Variants in TARS2 observed in about 807,000 individuals in gnomAD.
TARS2 encodes the protein threonyl-tRNA synthetase 2, mitochondrial.
In TARS2, 61 loss-of-function variants were observed where a neutral mutation model predicts 94.4. The ratio of observed to expected loss-of-function variants is 0.65; its 90% CI spans 0.53 to 0.80. The LOEUF (loss-of-function observed/expected upper bound fraction) is 0.80. Ranked by LOEUF, TARS2 falls within the 30% of genes least tolerant of loss-of-function variation. The pLI is 0.00. For synonymous variants in TARS2, 359 were observed against 353.4 expected, an observed-to-expected ratio of 1.02 and a Z score of -0.18; for missense variants, 704 against 902.5, an observed-to-expected ratio of 0.78 and a Z score of 2.82.
In TARS2 at chr1:150,507,279, A is replaced by G. The variant is rs1670272414; in HGVS notation, c.*215A>G. 3.4e-6 allele frequency: 2 copies of G among 595,654 alleles called. No homozygotes were observed. Among genetic ancestry groups the G allele is most frequent in the Admixed American group, 6.6e-5 (2 of 30,322 alleles). 36.9% of individuals were successfully genotyped at this position (595,654 alleles called of 1,614,324 possible). On this transcript the variant is annotated 3_prime_UTR_variant, in exon 18 of 18. Coordinates refer to ENST00000369064, the MANE Select transcript of TARS2 (RefSeq NM_025150.5). Reference sequence around the variant, plus strand: ...TGAGGAGAATGAAACTACAAAAAAAAATAAATTGGGCCAGGCGCAGTGGCT... The same window carrying G: ...TGAGGAGAATGAAACTACAAAAAAAGATAAATTGGGCCAGGCGCAGTGGCT...
intron 9 of TARS2, 27 bp from the exon 10 acceptor site, chr1:150,497,503 C>G: frequency 6.2e-7 from 1 of 1,608,418 alleles, no homozygotes; most frequent in Non-Finnish European, 8.5e-7. Flanking sequence ...TTACTCTGAC[C>G]TTCCATGTCT....
intron 1 of TARS2, 131 bp from the exon 2 acceptor site, chr1:150,487,727 G>T: frequency 7.4e-7 from 1 of 1,348,284 alleles, no homozygotes. Flanking sequence ...CTAGGGTCTT[G>T]TATCACCCAA....
intron 17 of TARS2, among the ~76,000 whole-genome samples, chr1:150,506,606 C>G (rs1287111129): frequency 1.4e-5 from 2 of 142,904 alleles, no homozygotes; most frequent in African/African-American, 5.1e-5. Flanking sequence ...CACACACACA[C>G]AGTTTCTCTC....
At position 150,492,475 on chromosome 1, in the gene TARS2, C is replaced by T; in HGVS notation, c.760C>T (p.Leu254=). Residue 254 remains leucine (L), a synonymous_variant, in exon 7 of 18, where the codon CTG becomes TTG. Coordinates refer to ENST00000369064, the MANE Select transcript of TARS2 (RefSeq NM_025150.5). ...TCGGCATACTGGACAGATTGGAGGA[C>T]TGAAGCTGCTATCGGTCAGTTGTGG... ...HLRHTGQIGG[L]KLLSNSSSLW... is the part of the protein sequence containing the mutation. 1 of 1,613,864 alleles carries T rather than the reference C, an allele frequency of 6.2e-7. No homozygotes were observed. Among genetic ancestry groups the T allele is most frequent in the African/African-American group, 1.3e-5 (1 of 74,998 alleles).
At chr1:150,499,385 A>T in intron 13 of TARS2, 92 bp downstream of exon 13, 1 of 879,800 alleles carries the variant, frequency 1.1e-6, no homozygotes, top group Non-Finnish European at 1.8e-6. Context: ...TTTTTTTTTG[A>T]GACAGTCTCA....
rs1669959247 is a variant in TARS2, at chr1:150,502,283, C to T, written c.1618-2052C>T. Among the ~76,000 whole-genome samples, 3 of 149,456 alleles carry T rather than the reference C, an allele frequency of 2.0e-5. No individual in the cohort carries two copies. In the Admixed American group the frequency reaches 2.0e-4, roughly 10 times the overall value. On this transcript the variant is annotated intron_variant, in intron 13 of 17. Transcript: ENST00000369064. ...CTGTTGCCAGACTGAAGTGCACTGG[C>T]GGATCTTGGCTCACTGCAACCTCCA...
intron 11 of TARS2, 93 bp downstream of exon 11, chr1:150,498,757 A>AT: frequency 6.2e-7 from 1 of 1,606,600 alleles, no homozygotes; most frequent in South Asian, 1.1e-5. Flanking sequence ...TGCCCCCTGT[A>AT]TGTACTATAA....
In TARS2 at chr1:150,487,866, G is replaced by A; in HGVS notation, c.75G>A (p.Val25=). Residue 25 remains valine (V), a synonymous_variant, in exon 2 of 18, where the codon GTG becomes GTA. Coordinates refer to ENST00000369064, the MANE Select transcript of TARS2 (RefSeq NM_025150.5). ...LQACRLHTAV[V]STPPRWLAER... is the part of the protein sequence containing the mutation. ...TATATCTTTCCCTCCAGGCAGTTGT[G>A]TCGACCCCTCCACGCTGGTTGGCAG... 1 of 1,612,776 alleles carries A rather than the reference G, an allele frequency of 6.2e-7. No homozygotes were observed. The highest frequency in any genetic ancestry group is 2.2e-5 in the East Asian group (1 of 44,886).
chr1:150,489,075 A>C lies in TARS2; in HGVS notation c.375A>C (p.Pro125=). 6.2e-7 allele frequency: 1 copy of C among 1,614,134 alleles called. No individual in the cohort carries two copies. Among genetic ancestry groups the C allele is most frequent in the Non-Finnish European group, 8.5e-7 (1 of 1,179,982 alleles). ...TCAGATTTCTGACATTCGATTCCCC[A>C]GAGGGGAAAGCAGTAAGTTTCTTTC... ...SDLRFLTFDS[P]EGKAVFWHSS... is the part of the protein sequence containing the mutation. Residue 125 remains proline, a synonymous_variant, in exon 3 of 18, where the codon CCA becomes CCC. Coordinates refer to ENST00000369064, the MANE Select transcript of TARS2 (RefSeq NM_025150.5).
intron 2 of TARS2, chr1:150,488,644 C>A (rs1570830252): frequency 4.3e-6 from 1 of 231,176 alleles, no homozygotes; most frequent in East Asian, 1.0e-4. Context: ...AAACATTTAT[C>A]ATTTCTTTGT....
chr1:150,490,114 CTTTTTTT>C (rs772454527), intron 3 of TARS2, among the ~76,000 whole-genome samples: 1 of 80,178 alleles, frequency 1.2e-5, no homozygotes, highest in Non-Finnish European at 2.3e-5. Context: ...TCTATTCAGT[CTTTTTTT>C]TTTTTTTTTT....
chr1:150,497,039 T>G, intron 9 of TARS2, 131 bp downstream of exon 9: 1 of 837,260 alleles, frequency 1.2e-6, no homozygotes. Flanking sequence ...TCCTAGCACT[T>G]TCGGAGGCTG....
In TARS2 at chr1:150,499,024, A is replaced by C; in HGVS notation, c.1529A>C (p.Gln510Pro). 1 of 1,614,178 alleles carries C rather than the reference A, an allele frequency of 6.2e-7. No individual in the cohort carries two copies. The highest frequency in any genetic ancestry group is 8.5e-7 in the Non-Finnish European group (1 of 1,180,024). Residue 510 changes from glutamine (Q) to proline (P), a missense_variant, in exon 12 of 18, where the codon CAG becomes CCG. Physicochemically the swap from Gln to Pro is moderately conservative, Grantham distance 76. Coordinates refer to ENST00000369064, the MANE Select transcript of TARS2 (RefSeq NM_025150.5). ...CTGGGGGACCCTTGCCTTTGGGACC[A>C]GGCCGAACAGGTGAGTAGGAGGTAG... ...GFLGDPCLWD[Q>P]AEQVLKQALK...
chr1:150,507,209 G>T lies in TARS2; in HGVS notation c.*145G>T. ...GTCTGCTCTCCTGAAAAGAGACTTG[G>T]TTTGGGGACCCCACAAAAGGAGGGA... is the stretch of plus-strand genomic sequence containing the variant. On this transcript the variant is annotated 3_prime_UTR_variant, in exon 18 of 18. Transcript: ENST00000369064. 2 of 1,134,486 alleles carry T rather than the reference G, an allele frequency of 1.8e-6. No individual in the cohort carries two copies. The highest frequency in any genetic ancestry group is 2.4e-6 in the Non-Finnish European group (2 of 825,206). 70.3% of individuals were successfully genotyped at this position (1,134,486 alleles called of 1,614,324 possible).
intron 3 of TARS2, 180 bp downstream of exon 3, chr1:150,489,267 C>A: frequency 1.2e-6 from 1 of 847,794 alleles, no homozygotes; most frequent in South Asian, 1.6e-5. Context: ...TTTAACTTAG[C>A]TTCGATCTAT....
intron 3 of TARS2, chr1:150,489,407 T>G: frequency 2.8e-6 from 1 of 363,136 alleles, no homozygotes; most frequent in Non-Finnish European, 5.3e-6. Context: ...GTATATTCAA[T>G]TCTAACATGG....
At chr1:150,499,755 T>C (rs981962256) in intron 13 of TARS2, among the ~76,000 whole-genome samples, 1 of 152,164 alleles carries the variant, frequency 6.6e-6, no homozygotes, top group Non-Finnish European at 1.5e-5. Context: ...TGAGGGCTGC[T>C]GAAGGTAAAT....
rs151171909 is a variant in TARS2 at position 150,499,489 on chromosome 1, G to T, written c.1617+196G>T. On this transcript the variant is annotated intron_variant, in intron 13 of 17. Coordinates refer to ENST00000369064, the MANE Select transcript of TARS2 (RefSeq NM_025150.5). ...AGCAATTCCCCTGCCTCAGCCTCCC[G>T]AGTAGCTGGGATTACAGGTGTACGC... Among the ~76,000 whole-genome samples, 1,317 of 151,842 alleles carry T rather than the reference G, an allele frequency of 8.7e-3. 13 individuals carry two copies. The highest frequency in any genetic ancestry group is 0.017 in the Middle Eastern group (5 of 294).
rs1669370003 is a variant in TARS2, at chr1:150,491,276, G to GATTT, written c.513-118_513-117insATTT. 42 of 922,958 alleles carry GATTT rather than the reference G, an allele frequency of 4.6e-5. No homozygotes were observed. The East Asian group carries it at 1.0e-3, about 22-fold the overall frequency. 57.2% of individuals were successfully genotyped at this position (922,958 alleles called of 1,614,324 possible). A position where few individuals can be genotyped will look rare whatever the true frequency, so the allele number is the denominator to read the frequency against. On this transcript the variant is annotated intron_variant, in intron 4 of 17. Transcript: ENST00000369064. The stretch of plus-strand genomic sequence containing the variant: ...ATTTTCTCTGAGTTTGTCTGTCTTT[G>GATTT]CCTATAACTCTAGATTTCTCTTGAA...
Sources: gnomAD v4.1 joint callset for allele counts (sites outside exome capture counted in the v4.1 genomes callset) on GRCh38, gnomAD v4.1.1 for gene constraint, MANE v1.5 for transcripts, NCBI Gene and HGNC (gene_info 2026-07-23, HGNC 2026-07-21) for gene names.